The following PARD3B variants were observed in gnomAD, a reference collection of about 807,000 sequenced individuals.
PARD3B encodes partitioning defective 3 homolog B.
Under a neutral mutation model 130.2 loss-of-function variants are expected in PARD3B, and 103 were observed. The ratio of observed to expected loss-of-function variants is 0.79; its 90% CI spans 0.67 to 0.93. The LOEUF (loss-of-function observed/expected upper bound fraction) is 0.93, where lower values mean the gene tolerates loss of function less well. Ranked by LOEUF, PARD3B falls within the 40% of genes least tolerant of loss-of-function variation. The pLI, the probability that PARD3B is intolerant of heterozygous loss-of-function variation, is 0.00. For synonymous variants in PARD3B, 583 were observed against 553.2 expected (o/e 1.05, Z -0.76); for missense variants, 1,609 against 1,499.2 (o/e 1.07, Z -1.21).
chr2:205,067,501 A>G (rs1326349481), intron 4 of PARD3B, among the ~76,000 whole-genome samples: 1 of 152,134 alleles, frequency 6.6e-6, no homozygotes, highest in Non-Finnish European at 1.5e-5. Context: ...TGTTACAGAT[A>G]AATTTTAAAT....
At chr2:205,387,203 T>C (rs1442363954) in intron 18 of PARD3B, among the ~76,000 whole-genome samples, 1 of 152,200 alleles carries the variant, frequency 6.6e-6, no homozygotes, top group African/African-American at 2.4e-5. Flanking sequence ...GTTGCCTTCT[T>C]AAATAATCAT....
At chr2:205,166,396 A>T (rs1008132351) in intron 11 of PARD3B, among the ~76,000 whole-genome samples, 4 of 152,158 alleles carry the variant, frequency 2.6e-5, no homozygotes, top group Non-Finnish European at 4.4e-5. Flanking sequence ...AGAAGAAAGA[A>T]TATGGGCAAA....
intron 2 of PARD3B, among the ~76,000 whole-genome samples, chr2:204,733,895 ATTGG>A: frequency 6.6e-6 from 1 of 152,146 alleles, no homozygotes; most frequent in Non-Finnish European, 1.5e-5. Flanking sequence ...GAGAAAAAGA[ATTGG>A]AGAATTTTTT....
intron 1 of PARD3B, among the ~76,000 whole-genome samples, chr2:204,561,792 T>A (rs2031328826): frequency 6.6e-6 from 1 of 151,994 alleles, no homozygotes; most frequent in African/African-American, 2.4e-5. Flanking sequence ...AGACGGGGTG[T>A]TGCCATGTTG....
At chr2:205,278,459 C>T (rs921841995) in intron 16 of PARD3B, among the ~76,000 whole-genome samples, 24 of 151,970 alleles carry the variant, frequency 1.6e-4, no homozygotes, top group Non-Finnish European at 4.4e-5. Flanking sequence ...ATGCAGAGAC[C>T]ATTTTGAGGT....
intron 2 of PARD3B, among the ~76,000 whole-genome samples, chr2:204,942,297 A>C (rs1224177416): frequency 6.6e-6 from 1 of 152,202 alleles, no homozygotes; most frequent in Non-Finnish European, 1.5e-5. Flanking sequence ...CGCTTCATTA[A>C]GATGTCAAGT....
At chr2:204,929,920 G>C (rs1419567735) in intron 2 of PARD3B, among the ~76,000 whole-genome samples, 2 of 151,886 alleles carry the variant, frequency 1.3e-5, no homozygotes, top group African/African-American at 4.8e-5. Flanking sequence ...TGATAATATT[G>C]AGACCACCTT....
At chr2:205,245,875 G>T in intron 16 of PARD3B, 53 bp downstream of exon 16, 1 of 1,460,622 alleles carries the variant, frequency 6.8e-7, no homozygotes, top group Non-Finnish European at 9.6e-7. Flanking sequence ...ATCACTGGCT[G>T]TGTTTTAGTA....
rs188380776 is a variant in PARD3B at position 205,523,257 on chromosome 2, A to T, written c.3180+23226A>T. 5.8e-3 allele frequency among the ~76,000 whole-genome samples: 851 copies of T among 147,220 alleles called. 10 individuals carry two copies. The highest frequency in any genetic ancestry group is 0.019 in the African/African-American group (782 of 40,336). On this transcript the variant is annotated intron_variant, in intron 21 of 22. Coordinates refer to ENST00000406610, the MANE Select transcript of PARD3B (RefSeq NM_001302769.2). The stretch of plus-strand genomic sequence containing the variant: ...TATATATATATTTATATATATATAT[A>T]TTTTTGAGATGGAGTCTCGCTCTGT...
At chr2:204,632,173 C>T (rs2034701736) in intron 1 of PARD3B, among the ~76,000 whole-genome samples, 1 of 152,056 alleles carries the variant, frequency 6.6e-6, no homozygotes, top group South Asian at 2.1e-4. Context: ...GTGTGTGGCA[C>T]CTCCCTGTTC....
In PARD3B at chr2:205,367,562, G is replaced by C. The variant is rs1443968251; in HGVS notation, c.2631-33451G>C. Reference sequence around the variant, plus strand: ...TGGTTTAGAACAGACAGCCCTAAAAGGTTCTCAGAGGATCGGATTATCTTT... The same window carrying C: ...TGGTTTAGAACAGACAGCCCTAAAACGTTCTCAGAGGATCGGATTATCTTT... On this transcript the variant is annotated intron_variant, in intron 18 of 22. Coordinates refer to ENST00000406610, the MANE Select transcript of PARD3B (RefSeq NM_001302769.2). Among the ~76,000 whole-genome samples, 4 of 152,136 alleles carry C rather than the reference G, an allele frequency of 2.6e-5. No homozygotes were observed. In the East Asian group the frequency reaches 7.7e-4, roughly 29 times the overall value.
chr2:205,513,199 G>C (rs2050658843), intron 21 of PARD3B, among the ~76,000 whole-genome samples: 1 of 151,950 alleles, frequency 6.6e-6, no homozygotes, highest in Non-Finnish European at 1.5e-5. Context: ...CTTTAAAGTA[G>C]TACTTGAATT....
At chr2:204,645,466 T>C (rs1051424834) in intron 1 of PARD3B, among the ~76,000 whole-genome samples, 1 of 152,160 alleles carries the variant, frequency 6.6e-6, no homozygotes, top group African/African-American at 2.4e-5. Flanking sequence ...AAATTTTGTT[T>C]CATGGGTTTC....
rs191358761 is a variant in PARD3B at position 204,710,146 on chromosome 2, T to C, written c.222+23864T>C. ...AAAGTGATCAGGTCTTCTTCCTTCT[T>C]TTCTTAAATTGACCTTAAATGGTTA... On this transcript the variant is annotated intron_variant, in intron 2 of 22. Transcript: ENST00000406610. Among the ~76,000 whole-genome samples, 420 of 152,310 alleles carry C rather than the reference T, an allele frequency of 2.8e-3. 1 individual carries two copies. The highest frequency in any genetic ancestry group is 9.9e-3 in the African/African-American group (413 of 41,572).
At position 205,160,840 on chromosome 2, in the gene PARD3B, G is replaced by A. The variant is rs946774250; in HGVS notation, c.1620+1933G>A. ...TTAGTGCCTTTCCTGTGGTCAGATA[G>A]CCAGGAATTACTTTAAGATTTGAAT... On this transcript the variant is annotated intron_variant, in intron 11 of 22. Transcript: ENST00000406610. This position sits in a 1 kb window ranked among gnomAD's most constrained non-coding sequence, Gnocchi z 4.0. 2.0e-5 allele frequency among the ~76,000 whole-genome samples: 3 copies of A among 152,124 alleles called. No individual in the cohort carries two copies. Among genetic ancestry groups the A allele is most frequent in the African/African-American group, 7.2e-5 (3 of 41,434 alleles).
intron 10 of PARD3B, among the ~76,000 whole-genome samples, chr2:205,136,131 C>T (rs2032462624): frequency 6.6e-6 from 1 of 152,082 alleles, no homozygotes; most frequent in South Asian, 2.1e-4. Context: ...CTTTGCATTT[C>T]TTAGAGGTTT....
At chr2:205,514,192 A>G (rs1223975939) in intron 21 of PARD3B, among the ~76,000 whole-genome samples, 1 of 152,156 alleles carries the variant, frequency 6.6e-6, no homozygotes, top group Non-Finnish European at 1.5e-5. Context: ...AACTTATTAG[A>G]TGATAATACC....
chr2:205,321,308 AT>A lies in PARD3B; in HGVS notation c.2630+19614del, dbSNP rs1050201227. Among the ~76,000 whole-genome samples the A allele has an allele frequency of 2.0e-5, 3 of 152,270 alleles. No homozygotes were observed. The highest frequency in any genetic ancestry group is 4.8e-5 in the African/African-American group (2 of 41,552). ...ATGTCTTTTTAACCTCAAAACTTAG[AT>A]TTTTTTAAAGTTTGTATTATGAAAT... On this transcript the variant is annotated intron_variant, in intron 18 of 22. Transcript: ENST00000406610. This position sits in a 1 kb window ranked among gnomAD's most constrained non-coding sequence, Gnocchi z 4.2.
chr2:205,237,841 C>G (rs543601362), intron 15 of PARD3B, among the ~76,000 whole-genome samples: 111 of 152,190 alleles, frequency 7.3e-4, no homozygotes, highest in Middle Eastern at 3.4e-3. Context: ...TATATTTATT[C>G]CAAACAGTTC....
Sources: allele counts gnomAD v4.1 joint callset (sites outside exome capture counted in the v4.1 genomes callset), GRCh38; gene constraint gnomAD v4.1.1; non-coding constraint Gnocchi (gnomAD v3.1); transcripts MANE v1.5; gene names NCBI Gene and HGNC (gene_info 2026-07-23, HGNC 2026-07-21).